The following MAU2 variants were observed in gnomAD, a reference collection of about 807,000 sequenced individuals.
MAU2 encodes the protein MAU2 chromatid cohesion factor homolog.
A neutral mutation model predicts 89.1 loss-of-function variants in MAU2; 9 were observed. That is an observed-to-expected ratio of 0.10 (90% CI 0.06 to 0.18). The LOEUF (loss-of-function observed/expected upper bound fraction) is 0.18. Ranked by LOEUF, MAU2 falls within the 10% of genes least tolerant of loss-of-function variation. The pLI is 1.00. For synonymous variants in MAU2, 357 were observed against 343.4 expected (o/e 1.04, Z -0.44); for missense variants, 425 against 803.5 (o/e 0.53, Z 5.69).
rs767453682 is a variant in MAU2 at position 19,320,871 on chromosome 19, G to C, written c.12G>C (p.Gln4His). ...TTGTGGAGGCCAAAATGGCGGCTCA[G>C]GCGGCGGCAGCGGCCCAGGCGGCGG... MAA[Q>H]AAAAAQAAAA... The change falls in exon 1 of 19, where the codon CAG becomes CAC. Residue 4 changes from glutamine to histidine, a missense_variant. Transcript: ENST00000262815. The C allele has an allele frequency of 1.3e-6, 2 of 1,519,910 alleles. No homozygotes were observed. Among genetic ancestry groups the C allele is most frequent in the South Asian group, 1.3e-5 (1 of 78,832 alleles). 94.2% of individuals were successfully genotyped at this position (1,519,910 alleles called of 1,614,324 possible).
chr19:19,339,346 C>T (rs1167996629), intron 5 of MAU2, among the ~76,000 whole-genome samples: 2 of 151,998 alleles, frequency 1.3e-5, no homozygotes, highest in Non-Finnish European at 2.9e-5. Flanking sequence ...ACTCGGGAGG[C>T]TGAGGCAGGA....
chr19:19,338,946 ACCCACTC>A lies in MAU2; in HGVS notation c.551+11_551+17del, dbSNP rs1393644274. On this transcript the variant is annotated splice_region_variant and intron_variant, in intron 5 of 18. Coordinates refer to ENST00000262815, the MANE Select transcript of MAU2 (RefSeq NM_015329.4). ...TGGGATCTGAATACACACGGTAGGCACCCACTCCCCTCCTTCCCTCCTGCTCTGTTAA... is the reference window on the plus strand; with the variant it reads ...TGGGATCTGAATACACACGGTAGGCACCCTCCTTCCCTCCTGCTCTGTTAA... The A allele has an allele frequency of 1.2e-6, 2 of 1,607,984 alleles. No individual in the cohort carries two copies. Among genetic ancestry groups the A allele is most frequent in the Middle Eastern group, 1.7e-4 (1 of 6,030 alleles).
intron 13 of MAU2, 197 bp downstream of exon 13, chr19:19,347,563 G>A: frequency 1.8e-6 from 1 of 560,440 alleles, no homozygotes. Context: ...GCCAGGTCTG[G>A]GACAAAAACA....
chr19:19,322,118 C>T (rs1218615319), intron 1 of MAU2, among the ~76,000 whole-genome samples: 2 of 152,070 alleles, frequency 1.3e-5, no homozygotes, highest in African/African-American at 2.4e-5. Flanking sequence ...CTGCCTCAGC[C>T]TCCTGAGTAG....
chr19:19,329,849 G>C (rs2061540694), intron 1 of MAU2, among the ~76,000 whole-genome samples: 2 of 151,874 alleles, frequency 1.3e-5, no homozygotes, highest in Admixed American at 1.3e-4. Context: ...CCAGCTACTT[G>C]GGAGGCTGAA....
rs1474307991 is a variant in MAU2 at position 19,357,543 on chromosome 19, G to A, written c.*1761G>A. Reference sequence around the variant, plus strand: ...TGTCCGACCCCTGCACACCACTCATGTCACCACGGCGTGCATCATGTTCAT... The same window carrying A: ...TGTCCGACCCCTGCACACCACTCATATCACCACGGCGTGCATCATGTTCAT... On this transcript the variant is annotated 3_prime_UTR_variant, in exon 19 of 19. Coordinates refer to ENST00000262815, the MANE Select transcript of MAU2 (RefSeq NM_015329.4). 6.5e-6 allele frequency: 1 copy of A among 152,966 alleles called. No individual in the cohort carries two copies. The highest frequency in any genetic ancestry group is 1.5e-5 in the Non-Finnish European group (1 of 68,074). The allele number at this position is 152,966 out of a possible 1,614,324, so 9.5% of individuals were successfully genotyped here.
At chr19:19,330,195 G>T (rs897874824) in intron 1 of MAU2, among the ~76,000 whole-genome samples, 19 of 151,688 alleles carry the variant, frequency 1.3e-4, no homozygotes, top group Admixed American at 6.6e-4. Context: ...GCCCAGGTTG[G>T]TCTCAAACTC....
At chr19:19,339,922 A>T (rs913559161) in intron 5 of MAU2, among the ~76,000 whole-genome samples, 1 of 151,886 alleles carries the variant, frequency 6.6e-6, no homozygotes, top group Non-Finnish European at 1.5e-5. Flanking sequence ...TAATCCCAGC[A>T]CTTTGGGAGG....
chr19:19,341,391 A>G lies in MAU2; in HGVS notation c.719A>G (p.Tyr240Cys), dbSNP rs1239045711. Residue 240 changes from tyrosine to cysteine, a missense_variant, in exon 7 of 19, where the codon TAT becomes TGT. Physicochemically the swap from Tyr to Cys is radical, Grantham distance 194. This residue lies in a region of MAU2 where 119 missense variants were observed against 299.8 expected (regional missense o/e 0.40). Coordinates refer to ENST00000262815, the MANE Select transcript of MAU2 (RefSeq NM_015329.4). Reference sequence around the variant, plus strand: ...TTCCTGGTGCTCCAGGTCACCCACTATCTGGATGCCGGGCAGGTGTGTGGC... The same window carrying G: ...TTCCTGGTGCTCCAGGTCACCCACTGTCTGGATGCCGGGCAGGTGTGTGGC... ...VFFLVLQVTH[Y>C]LDAGQVKSVK... 3 of 1,613,720 alleles carry G rather than the reference A, an allele frequency of 1.9e-6. No individual in the cohort carries two copies. Among genetic ancestry groups the G allele is most frequent in the East Asian group, 2.2e-5 (1 of 44,888 alleles).
intron 16 of MAU2, among the ~76,000 whole-genome samples, chr19:19,350,557 G>A (rs1213390522): frequency 1.6e-4 from 24 of 151,294 alleles, no homozygotes; most frequent in Non-Finnish European, 3.1e-4. Context: ...AGTAAGCCGA[G>A]GTCGTGTCAT....
chr19:19,344,080 GC>G lies in MAU2; in HGVS notation c.1077+143del. 3 of 672,772 alleles carry G rather than the reference GC, an allele frequency of 4.5e-6. No homozygotes were observed. The South Asian group carries it at 5.1e-5, about 11-fold the overall frequency. The allele number at this position is 672,772 out of a possible 1,614,324, so 41.7% of individuals were successfully genotyped here. A position where few individuals can be genotyped will look rare whatever the true frequency, so the allele number is the denominator to read the frequency against. On this transcript the variant is annotated intron_variant, in intron 10 of 18. Transcript: ENST00000262815. ...TCTCGCTGTCGGCCAGCGTTTTACA[GC>G]CCTGCATGGGCACCACTGATCAGAG...
At chr19:19,346,978 C>G in intron 12 of MAU2, 1 of 321,482 alleles carries the variant, frequency 3.1e-6, no homozygotes, top group African/African-American at 2.1e-5. Context: ...TCCACCAGGT[C>G]TCAGTCCTGA....
intron 18 of MAU2, 37 bp from the exon 19 acceptor site, chr19:19,355,671 C>T (rs371699376): frequency 8.3e-6 from 13 of 1,559,158 alleles, no homozygotes; most frequent in Non-Finnish European, 1.1e-5. Context: ...GGGAACGGTC[C>T]ACAGTGCCTC....
chr19:19,355,530 G>A, intron 18 of MAU2, 139 bp downstream of exon 18: 1 of 1,333,530 alleles, frequency 7.5e-7, no homozygotes, highest in Non-Finnish European at 1.0e-6. Flanking sequence ...TGGGGGAGAT[G>A]GCCATGGGCA....
At chr19:19,326,696 A>G (rs1440119559) in intron 1 of MAU2, among the ~76,000 whole-genome samples, 3 of 108,344 alleles carry the variant, frequency 2.8e-5, no homozygotes, top group African/African-American at 6.0e-5. Context: ...AAAAAAATAT[A>G]TATATGTATA....
intron 1 of MAU2, among the ~76,000 whole-genome samples, chr19:19,331,308 G>A (rs2061553425): frequency 6.6e-6 from 1 of 152,020 alleles, no homozygotes; most frequent in Admixed American, 6.6e-5. Context: ...GACCGTCCTG[G>A]CTAACATGGT....
Position 19,355,781 on chromosome 19 carries a change from G to A in MAU2, c.1841G>A (p.Ter614=), listed in dbSNP as rs773411026. ...GPNTSLASLL[*] The stretch of plus-strand genomic sequence containing the variant: ...AACACCAGCCTGGCCAGCCTCCTGT[G>A]AGGCCTTGATGGGGCCATCCAGCTC... The change falls in exon 19 of 19, where the codon TGA becomes TAA. Residue 614 remains the stop codon, a stop_retained_variant. Transcript: ENST00000262815. 4 of 1,606,486 alleles carry A rather than the reference G, an allele frequency of 2.5e-6. No homozygotes were observed. In the Admixed American group the frequency reaches 5.0e-5, roughly 20 times the overall value.
At chr19:19,324,069 G>C (rs1343929438) in intron 1 of MAU2, among the ~76,000 whole-genome samples, 1 of 152,212 alleles carries the variant, frequency 6.6e-6, no homozygotes, top group East Asian at 1.9e-4. Context: ...GGCTAAAACA[G>C]TTTCTGCCCA....
intron 10 of MAU2, 56 bp from the exon 11 acceptor site, chr19:19,344,793 C>CA: frequency 1.4e-6 from 2 of 1,464,238 alleles, no homozygotes; most frequent in Non-Finnish European, 1.9e-6. Context: ...CATTGCTGCT[C>CA]AGACGCCAGG....
Sources: gnomAD v4.1 joint callset for allele counts (sites outside exome capture counted in the v4.1 genomes callset) on GRCh38, gnomAD v4.1.1 for gene constraint, gnomAD v4.1.1 regional missense constraint, MANE v1.5 for transcripts, NCBI Gene and HGNC (gene_info 2026-07-23, HGNC 2026-07-21) for gene names.